DHX30: variants seen among roughly 807,000 people sequenced by gnomAD.
The protein encoded by DHX30 is DExH-box helicase 30.
A neutral mutation model predicts 116.9 loss-of-function variants in DHX30; 4 were observed. The ratio of observed to expected loss-of-function variants is 0.03; its 90% CI spans 0.02 to 0.08. DHX30 has a LOEUF of 0.08. DHX30 is among the 10% of genes least tolerant of loss of function. The pLI, the probability that DHX30 is intolerant of heterozygous loss-of-function variation, is 1.00. For synonymous variants in DHX30, 697 were observed against 651.7 expected, an observed-to-expected ratio of 1.07 and a Z score of -1.06; for missense variants, 871 against 1,595.1, an observed-to-expected ratio of 0.55 and a Z score of 7.73.
chr3:47,819,284 T>G, intron 4 of DHX30: 1 of 1,367,676 alleles, frequency 7.3e-7, no homozygotes, highest in Non-Finnish European at 9.8e-7. Context: ...TCTGAGAGTG[T>G]CAGATGTGCT....
chr3:47,828,022 C>G (rs74958798), intron 5 of DHX30, among the ~76,000 whole-genome samples: 2,518 of 151,944 alleles, frequency 0.017, 82 homozygotes, highest in African/African-American at 0.058. Context: ...CCACACTCGT[C>G]TAATTTTTTT....
At position 47,832,239 on chromosome 3, in the gene DHX30, C is replaced by G. The variant is rs376942483; in HGVS notation, c.366+3105C>G. Among the ~76,000 whole-genome samples the G allele has an allele frequency of 7.0e-4, 107 of 152,176 alleles. 1 individual carries two copies. Among genetic ancestry groups the G allele is most frequent in the African/African-American group, 2.5e-3 (103 of 41,524 alleles). Reference sequence around the variant, plus strand: ...TGTACCTCTGTATCCCCACAGTGCTCTGTAGCCTTGGCACTGCCATGCATT... The same window carrying G: ...TGTACCTCTGTATCCCCACAGTGCTGTGTAGCCTTGGCACTGCCATGCATT... On this transcript the variant is annotated intron_variant, in intron 6 of 21. Coordinates refer to ENST00000445061, the MANE Select transcript of DHX30 (RefSeq NM_138615.3).
In DHX30 at chr3:47,819,351, C is replaced by G. The variant is rs530384329; in HGVS notation, c.124+1234C>G. The G allele has an allele frequency of 4.1e-6, 5 of 1,216,422 alleles. No homozygotes were observed. The African/African-American group carries it at 7.7e-5, about 19-fold the overall frequency. 75.4% of individuals were successfully genotyped at this position (1,216,422 alleles called of 1,614,324 possible). ...TAACCAGGCAGTTGGCTAGGCAGTGCCTTCTTGAGCACACGCGGAGGAGAA... is the reference window on the plus strand; with the variant it reads ...TAACCAGGCAGTTGGCTAGGCAGTGGCTTCTTGAGCACACGCGGAGGAGAA... On this transcript the variant is annotated intron_variant, in intron 4 of 21. Coordinates refer to ENST00000445061, the MANE Select transcript of DHX30 (RefSeq NM_138615.3).
intron 9 of DHX30, 135 bp downstream of exon 9, chr3:47,843,390 T>G: frequency 8.2e-7 from 1 of 1,213,450 alleles, no homozygotes; most frequent in Non-Finnish European, 1.1e-6. Context: ...AGACAGCTGG[T>G]ATGCAGGCCT....
At chr3:47,839,673 T>TTTTG (rs138148593) in intron 6 of DHX30, among the ~76,000 whole-genome samples, 43 of 151,920 alleles carry the variant, frequency 2.8e-4, no homozygotes, top group Middle Eastern at 3.4e-3. Flanking sequence ...ACATAGGTTT[T>TTTTG]TTTGTTTGTT....
intron 6 of DHX30, among the ~76,000 whole-genome samples, chr3:47,833,747 A>C (rs1403463319): frequency 6.6e-6 from 1 of 151,582 alleles, no homozygotes; most frequent in African/African-American, 2.4e-5. Context: ...AGTCCCAGCT[A>C]CTCGGGAGGC....
intron 6 of DHX30, among the ~76,000 whole-genome samples, 153 bp downstream of exon 6, chr3:47,829,287 G>GAGATATATATAT (rs1553702167): frequency 2.8e-5 from 1 of 35,848 alleles, no homozygotes; most frequent in African/African-American, 1.5e-4. Context: ...CAGCCAATGA[G>GAGATATATATAT]ATATATATAT....
chr3:47,803,444 CG>C (rs1007852523), intron 1 of DHX30, among the ~76,000 whole-genome samples: 3 of 152,052 alleles, frequency 2.0e-5, no homozygotes, highest in Admixed American at 6.5e-5. Context: ...GGAGCCCGGG[CG>C]GGGGCGGGGG....
chr3:47,848,941 G>A lies in DHX30; in HGVS notation c.2791G>A (p.Asp931Asn). 1.2e-6 allele frequency: 2 copies of A among 1,610,052 alleles called. No homozygotes were observed. Among genetic ancestry groups the A allele is most frequent in the South Asian group, 2.2e-5 (2 of 90,634 alleles). Residue 931 changes from aspartate (D) to asparagine (N), a missense_variant, in exon 18 of 22, where the codon GAC becomes AAC. Asp to Asn is a conservative substitution (Grantham distance 23). Transcript: ENST00000445061. The surrounding 1 kb of genome is among the most constrained non-coding windows in gnomAD (Gnocchi z 9.4). Reference sequence around the variant, plus strand: ...CCAGGTGAAAGCACTGTTGAGCCATGACAGCGGCAGTGACCACCTGGCCTT... The same window carrying A: ...CCAGGTGAAAGCACTGTTGAGCCATAACAGCGGCAGTGACCACCTGGCCTT... ...VDKVKALLSH[D>N]SGSDHLAFVR...
rs147814758 is a variant in DHX30 at position 47,845,620 on chromosome 3, C to T, written c.940-80C>T. ...TAGAGATTACTTGGCACAACTTATG[C>T]GTTGGAGCTCCTGAGCTTGTCTGGG... is the stretch of plus-strand genomic sequence containing the variant. On this transcript the variant is annotated intron_variant, in intron 9 of 21. Coordinates refer to ENST00000445061, the MANE Select transcript of DHX30 (RefSeq NM_138615.3). 62 of 1,386,056 alleles carry T rather than the reference C, an allele frequency of 4.5e-5. No homozygotes were observed. The East Asian group carries it at 6.2e-4, about 14-fold the overall frequency. 85.9% of individuals were successfully genotyped at this position (1,386,056 alleles called of 1,614,324 possible). A position where few individuals can be genotyped will look rare whatever the true frequency, so the allele number is the denominator to read the frequency against.
At chr3:47,820,874 G>A (rs546097673) in intron 4 of DHX30, among the ~76,000 whole-genome samples, 4 of 150,072 alleles carry the variant, frequency 2.7e-5, no homozygotes, top group African/African-American at 9.8e-5. Flanking sequence ...TAATGTTGGT[G>A]TAAAGAAAGG....
chr3:47,833,984 A>G (rs1298208769), intron 6 of DHX30, among the ~76,000 whole-genome samples: 1 of 152,182 alleles, frequency 6.6e-6, no homozygotes, highest in African/African-American at 2.4e-5. Flanking sequence ...GTAACTTTAC[A>G]TCCTTGGACC....
chr3:47,807,703 C>CA (rs1202083372), intron 2 of DHX30, among the ~76,000 whole-genome samples: 1,991 of 29,924 alleles, frequency 0.067, 48 homozygotes, highest in East Asian at 0.074. Context: ...GACTCTGTCT[C>CA]AAAAAAAAAA....
intron 6 of DHX30, among the ~76,000 whole-genome samples, chr3:47,835,257 T>A (rs1288611227): frequency 6.7e-6 from 1 of 149,078 alleles, no homozygotes; most frequent in Non-Finnish European, 1.5e-5. Flanking sequence ...CACTGCAACC[T>A]CCGTCTCCTG....
At chr3:47,810,830 C>A in intron 3 of DHX30, 119 bp downstream of exon 3, 1 of 1,065,826 alleles carries the variant, frequency 9.4e-7, no homozygotes, top group South Asian at 1.3e-5. Context: ...GGTGGTTTTC[C>A]AAAGGCCTTT....
intron 9 of DHX30, among the ~76,000 whole-genome samples, chr3:47,843,468 C>G (rs565611299): frequency 6.6e-6 from 1 of 152,332 alleles, no homozygotes; most frequent in Non-Finnish European, 1.5e-5. Flanking sequence ...TTGCCCGTGA[C>G]CCAGCATTTT....
rs1259327075 is a variant in DHX30, at chr3:47,848,046, T to G, written c.2286+90T>G. On this transcript the variant is annotated intron_variant, in intron 14 of 21. Transcript: ENST00000445061. This position sits in a 1 kb window ranked among gnomAD's most constrained non-coding sequence, Gnocchi z 9.4. ...AGCCCAGATCTACCTTAGACCTGCT[T>G]TGTGTGTCTTCAGAAGGCCGCGCTT... 2.5e-6 allele frequency: 4 copies of G among 1,584,918 alleles called. No homozygotes were observed. The highest frequency in any genetic ancestry group is 2.6e-6 in the Non-Finnish European group (3 of 1,159,942).
At chr3:47,837,869 G>A (rs1010973313) in intron 6 of DHX30, among the ~76,000 whole-genome samples, 1 of 152,198 alleles carries the variant, frequency 6.6e-6, no homozygotes, top group Non-Finnish European at 1.5e-5. Context: ...GCGCCAGCAG[G>A]GGGAGCTGTG....
Position 47,847,986 on chromosome 3 carries a change from C to T in DHX30, c.2286+30C>T. 6.2e-7 allele frequency: 1 copy of T among 1,610,206 alleles called. No homozygotes were observed. The highest frequency in any genetic ancestry group is 8.5e-7 in the Non-Finnish European group (1 of 1,176,912). ...CACCTACCTCCTGGGCCCGGCCAAC[C>T]ACTGGGGGAGGGACTCCGTTTTGAG... On this transcript the variant is annotated intron_variant, in intron 14 of 21. Coordinates refer to ENST00000445061, the MANE Select transcript of DHX30 (RefSeq NM_138615.3). The surrounding 1 kb of genome is among the most constrained non-coding windows in gnomAD (Gnocchi z 5.5).
Sources: allele counts gnomAD v4.1 joint callset (sites outside exome capture counted in the v4.1 genomes callset), GRCh38; gene constraint gnomAD v4.1.1; non-coding constraint Gnocchi (gnomAD v3.1); transcripts MANE v1.5; gene names NCBI Gene and HGNC (gene_info 2026-07-23, HGNC 2026-07-21).